VAT1L: variants seen among roughly 807,000 people sequenced by gnomAD.
VAT1L encodes putative NADPH-dependent quinone oxidoreductase VAT1L.
Under a neutral mutation model 44.1 loss-of-function variants are expected in VAT1L, and 34 were observed. That is an observed-to-expected ratio of 0.77 (90% confidence interval 0.59 to 1.03). VAT1L has a LOEUF of 1.03. VAT1L is among the 50% of genes least tolerant of loss of function. VAT1L has a pLI of 0.00. For synonymous variants in VAT1L, 253 were observed against 202.2 expected, an observed-to-expected ratio of 1.25 and a Z score of -2.13; for missense variants, 615 against 538.8, an observed-to-expected ratio of 1.14 and a Z score of -1.40.
intron 7 of VAT1L, among the ~76,000 whole-genome samples, chr16:77,930,063 T>C (rs1360695414): frequency 1.3e-5 from 2 of 152,188 alleles, no homozygotes; most frequent in African/African-American, 2.4e-5. Context: ...CCATACTCCT[T>C]ATCCCTTTTA....
At chr16:77,976,438 C>T (rs1191972657) in intron 8 of VAT1L, among the ~76,000 whole-genome samples, 1 of 152,138 alleles carries the variant, frequency 6.6e-6, no homozygotes, top group South Asian at 2.1e-4. Context: ...GGAGAAGGCA[C>T]TGCACATGGT....
At chr16:77,965,709 GCCA>G (rs1188935886) in intron 7 of VAT1L, among the ~76,000 whole-genome samples, 2 of 152,214 alleles carry the variant, frequency 1.3e-5, no homozygotes, top group Non-Finnish European at 2.9e-5. Flanking sequence ...CACTTAGCAG[GCCA>G]CCAAGAGATA....
At chr16:77,793,545 T>C (rs1451151939) in intron 1 of VAT1L, among the ~76,000 whole-genome samples, 1 of 152,194 alleles carries the variant, frequency 6.6e-6, no homozygotes, top group Non-Finnish European at 1.5e-5. Flanking sequence ...GATTTTAGGC[T>C]GGCAGAGGGT....
chr16:77,955,001 C>A (rs561305268), intron 7 of VAT1L, among the ~76,000 whole-genome samples: 6 of 152,242 alleles, frequency 3.9e-5, no homozygotes, highest in African/African-American at 1.4e-4. Context: ...CTAATGTAAC[C>A]ACTTGAGTGT....
chr16:77,880,705 T>C (rs1202549597), intron 6 of VAT1L, among the ~76,000 whole-genome samples: 1 of 149,310 alleles, frequency 6.7e-6, no homozygotes, highest in African/African-American at 2.5e-5. Context: ...CAAATGATCC[T>C]CTCATTCACA....
chr16:77,935,550 G>A (rs1187146000), intron 7 of VAT1L, among the ~76,000 whole-genome samples: 1 of 151,060 alleles, frequency 6.6e-6, no homozygotes, highest in Non-Finnish European at 1.5e-5. Context: ...GGCAGAGAGA[G>A]ATGGGGGCGG....
At chr16:77,959,769 G>GT (rs1567522667) in intron 7 of VAT1L, among the ~76,000 whole-genome samples, 1 of 152,202 alleles carries the variant, frequency 6.6e-6, no homozygotes, top group East Asian at 1.9e-4. Context: ...CGTGGCCCAA[G>GT]TGTGAAGGAA....
intron 3 of VAT1L, among the ~76,000 whole-genome samples, chr16:77,825,844 G>A (rs1196453665): frequency 1.5e-3 from 197 of 127,956 alleles, no homozygotes; most frequent in Admixed American, 2.3e-3. Flanking sequence ...GTGAAACCCC[G>A]TCTCTACTAA....
chr16:77,816,104 A>G (rs1340980418), intron 1 of VAT1L, among the ~76,000 whole-genome samples: 1 of 151,906 alleles, frequency 6.6e-6, no homozygotes, highest in African/African-American at 2.4e-5. Flanking sequence ...TGATAAAATA[A>G]AAAGAGTCCA....
At chr16:77,956,758 TG>T (rs778143109) in intron 7 of VAT1L, among the ~76,000 whole-genome samples, 5 of 152,222 alleles carry the variant, frequency 3.3e-5, no homozygotes, top group Non-Finnish European at 5.9e-5. Context: ...AAGAACACTT[TG>T]GTTGGCAATG....
chr16:77,977,466 T>C (rs2018353237), intron 8 of VAT1L, 131 bp from the exon 9 acceptor site: 1 of 825,572 alleles, frequency 1.2e-6, no homozygotes, highest in Non-Finnish European at 1.9e-6. Context: ...TAATCCTGCA[T>C]TGCCTTCCAG....
chr16:77,895,100 C>CCACACACACACACACACA (rs67138523), intron 7 of VAT1L, among the ~76,000 whole-genome samples: 11,029 of 145,110 alleles, frequency 0.076, 526 homozygotes, highest in Non-Finnish European at 0.11. Flanking sequence ...AGCCACTTGC[C>CCACACACACACACACACA]CACACACACA....
At chr16:77,874,673 G>A (rs1311551624) in intron 4 of VAT1L, among the ~76,000 whole-genome samples, 1 of 151,944 alleles carries the variant, frequency 6.6e-6, no homozygotes, top group Admixed American at 6.6e-5. Flanking sequence ...CAATTCTAGA[G>A]CCCCTTAGTG....
intron 7 of VAT1L, among the ~76,000 whole-genome samples, chr16:77,966,603 AGAATTAT>A (rs1489554718): frequency 6.6e-6 from 1 of 152,256 alleles, no homozygotes; most frequent in Non-Finnish European, 1.5e-5. Context: ...GCTGTTCAGC[AGAATTAT>A]GTGAGCCACA....
At chr16:77,906,216 G>C (rs2017435056) in intron 7 of VAT1L, among the ~76,000 whole-genome samples, 1 of 152,212 alleles carries the variant, frequency 6.6e-6, no homozygotes, top group South Asian at 2.1e-4. Flanking sequence ...TTAATGTTGA[G>C]AGCCTGGAGG....
At chr16:77,872,985 T>A (rs2017047784) in intron 4 of VAT1L, among the ~76,000 whole-genome samples, 1 of 152,212 alleles carries the variant, frequency 6.6e-6, no homozygotes, top group Admixed American at 6.5e-5. Flanking sequence ...AGAAATCTTT[T>A]GGTCTAGATG....
At chr16:77,813,009 G>A (rs1032453272) in intron 1 of VAT1L, among the ~76,000 whole-genome samples, 1 of 152,068 alleles carries the variant, frequency 6.6e-6, no homozygotes, top group African/African-American at 2.4e-5. Context: ...TTTAAGAGCT[G>A]TATAAAATTT....
chr16:77,855,237 G>A (rs926168170), intron 3 of VAT1L, among the ~76,000 whole-genome samples: 2 of 151,900 alleles, frequency 1.3e-5, no homozygotes, highest in African/African-American at 4.8e-5. Flanking sequence ...CTACTCAGGA[G>A]GCTGAGGCAG....
At chr16:77,808,305 AC>A (rs1388423551) in intron 1 of VAT1L, among the ~76,000 whole-genome samples, 1 of 151,480 alleles carries the variant, frequency 6.6e-6, no homozygotes, top group Non-Finnish European at 1.5e-5. Flanking sequence ...ATCTCCTGTC[AC>A]CCCCAGATGG....
Sources: gnomAD v4.1 joint callset for allele counts (sites outside exome capture counted in the v4.1 genomes callset) on GRCh38, gnomAD v4.1.1 for gene constraint, MANE v1.5 for transcripts, NCBI Gene and HGNC (gene_info 2026-07-23, HGNC 2026-07-21) for gene names.